Variants in BTBD7 observed in about 807,000 individuals in gnomAD.
The protein encoded by BTBD7 is BTB domain containing 7, also known as BTB/POZ domain-containing protein 7.
A neutral mutation model predicts 99.9 loss-of-function variants in BTBD7; 38 were observed. That is an observed-to-expected ratio of 0.38 (90% CI 0.29 to 0.50). BTBD7 has a LOEUF of 0.50. BTBD7 is among the 20% of genes least tolerant of loss of function. The pLI is 0.93. For synonymous variants in BTBD7, 520 were observed against 511.4 expected (o/e 1.02, Z -0.23); for missense variants, 1,170 against 1,394.6 (o/e 0.84, Z 2.57).
chr14:93,289,851 C>CTTTTTT (rs34820136), intron 3 of BTBD7, among the ~76,000 whole-genome samples: 1 of 98,452 alleles, frequency 1.0e-5, no homozygotes, highest in Admixed American at 1.2e-4. Context: ...ACTCTCTGGG[C>CTTTTTT]TTTTTTTTTT....
chr14:93,270,734 T>C (rs959002266), intron 3 of BTBD7, among the ~76,000 whole-genome samples: 2 of 151,268 alleles, frequency 1.3e-5, no homozygotes, highest in Non-Finnish European at 2.9e-5. Flanking sequence ...AATTTCCTGG[T>C]AACAGAAAAA....
chr14:93,317,370 T>C (rs1469983672), intron 1 of BTBD7, among the ~76,000 whole-genome samples: 1 of 152,042 alleles, frequency 6.6e-6, no homozygotes, highest in Non-Finnish European at 1.5e-5. Flanking sequence ...ATACTTTTTT[T>C]TTTTTTTAAG....
chr14:93,268,384 A>G (rs2052564468), intron 3 of BTBD7, among the ~76,000 whole-genome samples: 1 of 152,224 alleles, frequency 6.6e-6, no homozygotes, highest in Admixed American at 6.5e-5. Context: ...CTCTTCCACC[A>G]GACTAAGTTC....
intron 3 of BTBD7, among the ~76,000 whole-genome samples, chr14:93,280,117 T>C (rs1020662784): frequency 3.3e-5 from 5 of 152,266 alleles, no homozygotes; most frequent in Non-Finnish European, 5.9e-5. Flanking sequence ...ACTATTTTAC[T>C]GTTCATACTT....
intron 1 of BTBD7, among the ~76,000 whole-genome samples, chr14:93,332,138 T>A (rs1424610251): frequency 1.3e-5 from 2 of 152,018 alleles, no homozygotes; most frequent in Admixed American, 6.6e-5. Context: ...ACCCTCGGGG[T>A]AAAGCTAGCA....
intron 7 of BTBD7, among the ~76,000 whole-genome samples, chr14:93,253,088 T>A (rs187725071): frequency 6.6e-6 from 1 of 152,216 alleles, no homozygotes; most frequent in Non-Finnish European, 1.5e-5. Flanking sequence ...AAAAATTAGA[T>A]GTTTCATTTT....
rs368777067 is a variant in BTBD7 at position 93,296,322 on chromosome 14, CTG to C, written c.-106-167_-106-166del. 3.8e-4 allele frequency among the ~76,000 whole-genome samples: 58 copies of C among 152,210 alleles called. 1 individual carries two copies. The South Asian group carries it at 7.5e-3, about 20-fold the overall frequency. ...ATGTAAATCTTTAAGCTTGAATTAT[CTG>C]TGTTAGCTGCAATTTGAGCCATAAA... is the stretch of plus-strand genomic sequence containing the variant. On this transcript the variant is annotated intron_variant, in intron 1 of 10. Coordinates refer to ENST00000334746, the MANE Select transcript of BTBD7 (RefSeq NM_001002860.4).
intron 3 of BTBD7, among the ~76,000 whole-genome samples, chr14:93,279,878 TTTGAG>T (rs1201060212): frequency 2.0e-5 from 3 of 152,254 alleles, no homozygotes; most frequent in Non-Finnish European, 4.4e-5. Flanking sequence ...AAGGGGCTTA[TTTGAG>T]TTGATAGGCT....
chr14:93,307,513 G>T (rs111969062), intron 1 of BTBD7, among the ~76,000 whole-genome samples: 237 of 152,224 alleles, frequency 1.6e-3, no homozygotes, highest in Non-Finnish European at 3.0e-3. Context: ...TAGGTACTAG[G>T]TACTGGTCAA....
intron 1 of BTBD7, among the ~76,000 whole-genome samples, chr14:93,328,852 G>C (rs754646760): frequency 5.3e-5 from 8 of 152,082 alleles, no homozygotes; most frequent in Non-Finnish European, 1.2e-4. Flanking sequence ...CAGAGTTCAA[G>C]GCTACTGTGA....
chr14:93,275,400 A>G (rs2052643650), intron 3 of BTBD7, among the ~76,000 whole-genome samples: 1 of 152,226 alleles, frequency 6.6e-6, no homozygotes, highest in Non-Finnish European at 1.5e-5. Flanking sequence ...GATGCATTAT[A>G]GTTTGGCAAA....
At chr14:93,253,944 AT>A (rs765948244) in intron 6 of BTBD7, among the ~76,000 whole-genome samples, 154 bp from the exon 7 acceptor site, 3,165 of 146,812 alleles carry the variant, frequency 0.022, 45 homozygotes, top group Admixed American at 0.035. Context: ...AATACCTCAA[AT>A]TTTTTTTTTT....
intron 3 of BTBD7, 72 bp from the exon 4 acceptor site, chr14:93,264,065 C>G: frequency 7.3e-7 from 1 of 1,378,456 alleles, no homozygotes; most frequent in Non-Finnish European, 1.0e-6. Flanking sequence ...GTGCTAGGCA[C>G]GATATTTAAA....
intron 3 of BTBD7, among the ~76,000 whole-genome samples, chr14:93,279,758 G>C (rs1252147129): frequency 6.6e-6 from 1 of 152,156 alleles, no homozygotes; most frequent in Non-Finnish European, 1.5e-5. Context: ...ATGTTGGCCA[G>C]ACTGATGGAC....
chr14:93,247,151 C>T (rs1023760021), intron 9 of BTBD7, among the ~76,000 whole-genome samples: 15 of 151,590 alleles, frequency 9.9e-5, no homozygotes, highest in African/African-American at 2.2e-4. Flanking sequence ...CTAATCCTCC[C>T]GAGGAACCGG....
At chr14:93,272,147 T>C (rs935063558) in intron 3 of BTBD7, among the ~76,000 whole-genome samples, 1 of 151,920 alleles carries the variant, frequency 6.6e-6, no homozygotes, top group Non-Finnish European at 1.5e-5. Context: ...TGAAACCCCA[T>C]CTGTACTAAA....
chr14:93,284,352 A>G (rs1595309617), intron 3 of BTBD7, among the ~76,000 whole-genome samples: 1 of 152,298 alleles, frequency 6.6e-6, no homozygotes, highest in East Asian at 1.9e-4. Flanking sequence ...TTACTTTTAT[A>G]AATAATACTT....
intron 1 of BTBD7, among the ~76,000 whole-genome samples, chr14:93,300,798 T>C (rs1160316699): frequency 1.4e-5 from 2 of 143,648 alleles, no homozygotes; most frequent in African/African-American, 5.3e-5. Flanking sequence ...TTTTTTTTTG[T>C]AGAGATAGGG....
At chr14:93,284,852 T>A (rs1215775597) in intron 3 of BTBD7, among the ~76,000 whole-genome samples, 1 of 151,872 alleles carries the variant, frequency 6.6e-6, no homozygotes, top group Non-Finnish European at 1.5e-5. Context: ...CCCAGACAAA[T>A]GAAAAGTGAG....
Sources: allele counts gnomAD v4.1 joint callset (sites outside exome capture counted in the v4.1 genomes callset), GRCh38; gene constraint gnomAD v4.1.1; transcripts MANE v1.5; gene names NCBI Gene and HGNC (gene_info 2026-07-23, HGNC 2026-07-21).